Variants in CDH4 observed in about 807,000 individuals in gnomAD.
The protein encoded by CDH4 is cadherin 4, also known as cadherin-4.
Under a neutral mutation model 86.0 loss-of-function variants are expected in CDH4, and 33 were observed. The ratio of observed to expected loss-of-function variants is 0.38; its 90% CI spans 0.29 to 0.51. The LOEUF is 0.51. CDH4 is among the 20% of genes least tolerant of loss of function. CDH4 has a pLI of 0.86. For synonymous variants in CDH4, 555 were observed against 549.4 expected (o/e 1.01, Z -0.14); for missense variants, 1,114 against 1,307.4 (o/e 0.85, Z 2.28).
At chr20:61,441,124 G>A (rs1313996138) in intron 2 of CDH4, among the ~76,000 whole-genome samples, 3 of 152,200 alleles carry the variant, frequency 2.0e-5, no homozygotes, top group Non-Finnish European at 2.9e-5. Context: ...GTGCTATGTG[G>A]CGAGCTTTCC....
intron 4 of CDH4, among the ~76,000 whole-genome samples, chr20:61,819,381 C>T (rs1005885323): frequency 2.0e-5 from 3 of 150,974 alleles, no homozygotes; most frequent in African/African-American, 4.9e-5. Context: ...GTCGCTCGCT[C>T]TGCCCCGGGA....
chr20:61,286,688 A>G (rs1046593317), intron 2 of CDH4, among the ~76,000 whole-genome samples: 1 of 152,198 alleles, frequency 6.6e-6, no homozygotes, highest in Admixed American at 6.5e-5. Flanking sequence ...AAACAATGAG[A>G]AGAGTTGTGT....
At chr20:61,412,465 A>G (rs150546192) in intron 2 of CDH4, among the ~76,000 whole-genome samples, 4 of 152,342 alleles carry the variant, frequency 2.6e-5, no homozygotes, top group African/African-American at 9.6e-5. Flanking sequence ...TTGATGCCCT[A>G]AAGTCTGAAT....
At chr20:61,670,792 G>A (rs532995057) in intron 2 of CDH4, among the ~76,000 whole-genome samples, 29 of 152,308 alleles carry the variant, frequency 1.9e-4, no homozygotes, top group African/African-American at 7.0e-4. Flanking sequence ...GAAGTCTGGG[G>A]CACTGTTCTC....
chr20:61,620,797 G>A (rs907382486), intron 2 of CDH4, among the ~76,000 whole-genome samples: 2 of 152,140 alleles, frequency 1.3e-5, no homozygotes, highest in African/African-American at 4.8e-5. Flanking sequence ...GTTGTAATAC[G>A]AATCAGGTAG....
At chr20:61,936,216 G>A (rs551449515) in intron 15 of CDH4, among the ~76,000 whole-genome samples, 8 of 151,276 alleles carry the variant, frequency 5.3e-5, no homozygotes, top group African/African-American at 1.7e-4. Context: ...CCTTAGGGAG[G>A]AGCTGAGCTT....
intron 2 of CDH4, among the ~76,000 whole-genome samples, chr20:61,281,671 G>T (rs1021353906): frequency 6.6e-6 from 1 of 152,220 alleles, no homozygotes; most frequent in African/African-American, 2.4e-5. Flanking sequence ...CTCCAGGATG[G>T]CAGGATAAAT....
intron 2 of CDH4, among the ~76,000 whole-genome samples, chr20:61,588,303 G>T (rs1409028329): frequency 6.6e-6 from 1 of 152,202 alleles, no homozygotes; most frequent in East Asian, 1.9e-4. Context: ...AACTAGGAAG[G>T]CGTAGGTCTC....
intron 4 of CDH4, among the ~76,000 whole-genome samples, chr20:61,794,686 C>G (rs1979431858): frequency 6.6e-6 from 1 of 152,184 alleles, no homozygotes; most frequent in African/African-American, 2.4e-5. Flanking sequence ...TGACTCTCCC[C>G]CAAACCACCT....
At chr20:61,284,870 G>T (rs186222661) in intron 2 of CDH4, among the ~76,000 whole-genome samples, 1 of 152,190 alleles carries the variant, frequency 6.6e-6, no homozygotes, top group Non-Finnish European at 1.5e-5. Context: ...CCTCTGTGAC[G>T]TAGGTGAAAA....
intron 4 of CDH4, among the ~76,000 whole-genome samples, chr20:61,798,104 C>A (rs1381121084): frequency 2.0e-5 from 3 of 152,200 alleles, no homozygotes; most frequent in African/African-American, 4.8e-5. Flanking sequence ...TCCTTTGACA[C>A]CCCTCGCCCG....
chr20:61,710,069 A>G (rs1480459071), intron 2 of CDH4, among the ~76,000 whole-genome samples: 1 of 152,180 alleles, frequency 6.6e-6, no homozygotes, highest in East Asian at 1.9e-4. Flanking sequence ...TGGGGAATGC[A>G]GAATCCTCAA....
At chr20:61,543,617 G>A (rs1444847718) in intron 2 of CDH4, among the ~76,000 whole-genome samples, 5 of 152,268 alleles carry the variant, frequency 3.3e-5, no homozygotes, top group East Asian at 1.9e-4. Flanking sequence ...AGCTGATGGC[G>A]CCTTTATGAT....
rs1242602273 is a variant in CDH4, at chr20:61,937,677, G to T, written c.*734G>T. On this transcript the variant is annotated 3_prime_UTR_variant, in exon 16 of 16. Coordinates refer to ENST00000614565, the MANE Select transcript of CDH4 (RefSeq NM_001794.5). ...GATGCTGTGAGGAGCTCAGGCAGGG[G>T]CCTGGAGGGGAACAGGGGTCATCCT... The T allele has an allele frequency of 6.6e-6, 1 of 152,274 alleles. No individual in the cohort carries two copies. Among genetic ancestry groups the T allele is most frequent in the East Asian group, 1.9e-4 (1 of 5,188 alleles). 9.4% of individuals were successfully genotyped at this position (152,274 alleles called of 1,614,324 possible). A position where few individuals can be genotyped will look rare whatever the true frequency, so the allele number is the denominator to read the frequency against.
chr20:61,565,222 A>AGTGGTCCTCTTGGTGATGGGGAGGG (rs2086268550), intron 2 of CDH4, among the ~76,000 whole-genome samples: 1 of 10,708 alleles, frequency 9.3e-5, no homozygotes, highest in Non-Finnish European at 1.6e-4. Context: ...TCTCGGTGGT[A>AGTGGTCCTCTTGGTGATGGGGAGGG]GGTGGTGGTG....
rs567439609 is a variant in CDH4 at position 61,474,711 on chromosome 20, T to A, written c.169+219774T>A. ...CAATTGCTTTCAACATTCTTTTTTTTAAAAAAAAAATTCTTTTTTCTCCTT... is the reference window on the plus strand; with the variant it reads ...CAATTGCTTTCAACATTCTTTTTTTAAAAAAAAAAATTCTTTTTTCTCCTT... On this transcript the variant is annotated intron_variant, in intron 2 of 15. Coordinates refer to ENST00000614565, the MANE Select transcript of CDH4 (RefSeq NM_001794.5). Among the ~76,000 whole-genome samples the A allele has an allele frequency of 1.5e-3, 221 of 150,994 alleles. 1 individual carries two copies. The highest frequency in any genetic ancestry group is 1.3e-3 in the African/African-American group (52 of 41,250).
chr20:61,415,705 T>G (rs1050638693), intron 2 of CDH4, among the ~76,000 whole-genome samples: 2 of 152,112 alleles, frequency 1.3e-5, no homozygotes, highest in Non-Finnish European at 2.9e-5. Flanking sequence ...AGTGTCAGAA[T>G]CTCTTTTTTT....
chr20:61,430,745 T>C (rs74424645), intron 2 of CDH4, among the ~76,000 whole-genome samples: 2,689 of 152,328 alleles, frequency 0.018, 84 homozygotes, highest in African/African-American at 0.061. Flanking sequence ...GCATTACACC[T>C]TCACATTAAC....
intron 2 of CDH4, among the ~76,000 whole-genome samples, chr20:61,390,256 C>T (rs1232645048): frequency 2.1e-5 from 3 of 146,292 alleles, no homozygotes; most frequent in Non-Finnish European, 4.5e-5. Context: ...CAATTGGGTT[C>T]GTGCGGTCAT....
Sources: gnomAD v4.1 joint callset for allele counts (sites outside exome capture counted in the v4.1 genomes callset) on GRCh38, gnomAD v4.1.1 for gene constraint, MANE v1.5 for transcripts, NCBI Gene and HGNC (gene_info 2026-07-23, HGNC 2026-07-21) for gene names.